Variants in FHIT observed in about 807,000 individuals in gnomAD.
FHIT encodes bis(5'-adenosyl)-triphosphatase.
A neutral mutation model predicts 17.9 loss-of-function variants in FHIT; 19 were observed. That is an observed-to-expected ratio of 1.06 (90% confidence interval 0.74 to 1.56). The LOEUF (loss-of-function observed/expected upper bound fraction) is 1.56, where lower values mean the gene tolerates loss of function less well. Among genes scored for constraint, FHIT ranks in the 40% most tolerant of loss-of-function variants. The probability of loss-of-function intolerance (pLI) is 0.00; values close to 1 mark genes in which losing one functional copy is unlikely to be tolerated. For missense variants in FHIT, 248 were observed against 189.2 expected (o/e 1.31, Z -1.82); for synonymous variants, 81 against 69.7 (o/e 1.16, Z -0.81).
chr3:60,680,509 A>G (rs1455979482), intron 4 of FHIT, among the ~76,000 whole-genome samples: 1 of 149,468 alleles, frequency 6.7e-6, no homozygotes, highest in Non-Finnish European at 1.5e-5. Flanking sequence ...CTCGATTAAC[A>G]TTTTCATGGT....
intron 5 of FHIT, among the ~76,000 whole-genome samples, chr3:60,163,624 T>C (rs746444819): frequency 6.6e-6 from 1 of 152,188 alleles, no homozygotes; most frequent in Non-Finnish European, 1.5e-5. Context: ...CTCTCCAGCA[T>C]CCCTGGCCAG....
chr3:60,238,513 G>A (rs897639189), intron 5 of FHIT, among the ~76,000 whole-genome samples: 7 of 149,336 alleles, frequency 4.7e-5, no homozygotes, highest in African/African-American at 1.7e-4. Flanking sequence ...CTAAAATGCT[G>A]AAAAGCATAA....
chr3:60,822,989 T>C (rs1701979121), intron 3 of FHIT, among the ~76,000 whole-genome samples: 1 of 152,208 alleles, frequency 6.6e-6, no homozygotes, highest in Non-Finnish European at 1.5e-5. Flanking sequence ...AGGTAATCGT[T>C]TCCTTTTTTA....
intron 4 of FHIT, among the ~76,000 whole-genome samples, chr3:60,817,037 G>A (rs1367344867): frequency 6.6e-6 from 1 of 151,326 alleles, no homozygotes; most frequent in East Asian, 1.9e-4. Context: ...TGGATTTTCA[G>A]TGGTTTTTCT....
At chr3:59,753,947 C>T (rs1701060460) in intron 8 of FHIT, among the ~76,000 whole-genome samples, 1 of 152,118 alleles carries the variant, frequency 6.6e-6, no homozygotes, top group Admixed American at 6.6e-5. Context: ...AAAAGGTCAA[C>T]TTAACGATTA....
At chr3:60,839,322 A>G (rs1331216248) in intron 3 of FHIT, among the ~76,000 whole-genome samples, 1 of 152,100 alleles carries the variant, frequency 6.6e-6, no homozygotes, top group African/African-American at 2.4e-5. Flanking sequence ...AATAAAAGTA[A>G]AAGACTCAGC....
Position 60,766,493 on chromosome 3 carries a change from G to A in FHIT, c.-18+55426C>T, listed in dbSNP as rs551994529. Among the ~76,000 whole-genome samples, 25 of 152,166 alleles carry A rather than the reference G, an allele frequency of 1.6e-4. No homozygotes were observed. The South Asian group carries it at 4.6e-3, about 28-fold the overall frequency. On this transcript the variant is annotated intron_variant, in intron 4 of 9. Coordinates refer to ENST00000492590, the MANE Select transcript of FHIT (RefSeq NM_002012.4). ...GGAGGACCTGGGAGTTTACCAGGAA[G>A]CTCAAATTCTTCCTGTATAGAAGCT...
At chr3:61,214,660 G>A (rs1189623704) in intron 1 of FHIT, among the ~76,000 whole-genome samples, 1 of 152,078 alleles carries the variant, frequency 6.6e-6, no homozygotes, top group Admixed American at 6.6e-5. Flanking sequence ...CATTTTATGA[G>A]GCCAGCATCA....
At chr3:60,792,107 G>A (rs916590681) in intron 4 of FHIT, among the ~76,000 whole-genome samples, 3 of 152,168 alleles carry the variant, frequency 2.0e-5, no homozygotes, top group Admixed American at 2.0e-4. Context: ...ATGCCCTGAC[G>A]GCAGCAGAAG....
chr3:60,311,001 AGTTACT>A (rs2106757330), intron 5 of FHIT, among the ~76,000 whole-genome samples: 1 of 152,276 alleles, frequency 6.6e-6, no homozygotes, highest in Admixed American at 6.5e-5. Flanking sequence ...ACCCCAGTAC[AGTTACT>A]AATTTCAGTA....
chr3:59,974,664 A>T (rs992140466), intron 7 of FHIT, among the ~76,000 whole-genome samples: 2 of 152,112 alleles, frequency 1.3e-5, no homozygotes, highest in Non-Finnish European at 2.9e-5. Flanking sequence ...CTTTATACGT[A>T]CCTAAATGAC....
At chr3:60,329,420 T>C (rs1414115607) in intron 5 of FHIT, among the ~76,000 whole-genome samples, 1 of 152,158 alleles carries the variant, frequency 6.6e-6, no homozygotes, top group African/African-American at 2.4e-5. Context: ...TCTTTACCAG[T>C]GGACAGAAAA....
At chr3:60,403,649 C>T (rs2107198475) in intron 5 of FHIT, among the ~76,000 whole-genome samples, 1 of 152,274 alleles carries the variant, frequency 6.6e-6, no homozygotes, top group South Asian at 2.1e-4. Flanking sequence ...GCCCCATACC[C>T]AGAAGCAAGG....
intron 3 of FHIT, among the ~76,000 whole-genome samples, chr3:60,934,108 T>C (rs1553772526): frequency 6.6e-6 from 1 of 152,144 alleles, no homozygotes; most frequent in Admixed American, 6.6e-5. Context: ...AATAAACCTA[T>C]TGAGAGGAAT....
chr3:60,077,149 A>G (rs557398679), intron 5 of FHIT, among the ~76,000 whole-genome samples: 4 of 152,202 alleles, frequency 2.6e-5, no homozygotes. Flanking sequence ...AAGGACTCTG[A>G]AGTATATTTC....
chr3:60,017,212 G>A (rs1700375711), intron 5 of FHIT, among the ~76,000 whole-genome samples: 1 of 152,156 alleles, frequency 6.6e-6, no homozygotes, highest in Admixed American at 6.5e-5. Context: ...AGGCTATGAT[G>A]CAAACATGCT....
chr3:60,566,529 T>C (rs1464700399), intron 4 of FHIT, among the ~76,000 whole-genome samples: 1 of 152,116 alleles, frequency 6.6e-6, no homozygotes, highest in Non-Finnish European at 1.5e-5. Flanking sequence ...ACTGGAAGCA[T>C]TCCCTTTGAA....
At chr3:60,552,884 A>G (rs1268238100) in intron 4 of FHIT, among the ~76,000 whole-genome samples, 1 of 152,164 alleles carries the variant, frequency 6.6e-6, no homozygotes, top group Non-Finnish European at 1.5e-5. Context: ...GGTTATCTGC[A>G]TGTCTGGATG....
At chr3:59,888,206 A>G (rs1265825112) in intron 8 of FHIT, among the ~76,000 whole-genome samples, 1 of 152,188 alleles carries the variant, frequency 6.6e-6, no homozygotes, top group Non-Finnish European at 1.5e-5. Flanking sequence ...AGGCTTGGAC[A>G]TTCACTGTAC....
Sources: allele counts gnomAD v4.1 joint callset (sites outside exome capture counted in the v4.1 genomes callset), GRCh38; gene constraint gnomAD v4.1.1; transcripts MANE v1.5; gene names NCBI Gene and HGNC (gene_info 2026-07-23, HGNC 2026-07-21).